SLC38A9: variants seen among roughly 807,000 people sequenced by gnomAD.
SLC38A9 encodes solute carrier family 38 member 9.
In SLC38A9, 48 loss-of-function variants were observed where a neutral mutation model predicts 62.3. The ratio of observed to expected loss-of-function variants is 0.77; its 90% CI spans 0.61 to 0.98. The LOEUF is 0.98. Ranked by LOEUF, SLC38A9 falls within the 50% of genes least tolerant of loss-of-function variation. The pLI is 0.00. For synonymous variants in SLC38A9, 204 were observed against 227.7 expected (o/e 0.90, Z 0.94); for missense variants, 541 against 679.8 (o/e 0.80, Z 2.27).
At chr5:55,665,877 C>T (rs991244568) in intron 7 of SLC38A9, among the ~76,000 whole-genome samples, 16 of 152,064 alleles carry the variant, frequency 1.1e-4, no homozygotes, top group Admixed American at 2.6e-4. Flanking sequence ...GTGGGAGGAT[C>T]CCTTGAGACC....
chr5:55,643,621 G>A (rs1745795266), intron 12 of SLC38A9, among the ~76,000 whole-genome samples: 1 of 152,086 alleles, frequency 6.6e-6, no homozygotes, highest in African/African-American at 2.4e-5. Flanking sequence ...CTTGAAGGAG[G>A]GTGATAAAAC....
At chr5:55,655,069 G>C (rs1237439810) in intron 9 of SLC38A9, among the ~76,000 whole-genome samples, 1 of 152,020 alleles carries the variant, frequency 6.6e-6, no homozygotes, top group Non-Finnish European at 1.5e-5. Flanking sequence ...CAAACTCCTG[G>C]GCTCAAGCAA....
intron 7 of SLC38A9, among the ~76,000 whole-genome samples, chr5:55,667,495 G>A (rs1434553386): frequency 6.6e-6 from 1 of 152,020 alleles, no homozygotes. Context: ...TGTTAATGTA[G>A]TGAATTATGT....
At chr5:55,677,141 T>C (rs1173850590) in intron 3 of SLC38A9, among the ~76,000 whole-genome samples, 1 of 152,216 alleles carries the variant, frequency 6.6e-6, no homozygotes, top group African/African-American at 2.4e-5. Context: ...ATGCAAGTAT[T>C]AATACTAATA....
chr5:55,641,873 C>T (rs984259149), intron 12 of SLC38A9, among the ~76,000 whole-genome samples: 7 of 152,212 alleles, frequency 4.6e-5, no homozygotes, highest in African/African-American at 1.7e-4. Flanking sequence ...TACTACTTTA[C>T]AAGTACTAAT....
intron 12 of SLC38A9, among the ~76,000 whole-genome samples, chr5:55,641,086 C>T (rs1384504854): frequency 4.6e-5 from 7 of 152,090 alleles, no homozygotes; most frequent in African/African-American, 9.7e-5. Context: ...GTGATCCACG[C>T]ACCTCGGCCT....
intron 9 of SLC38A9, among the ~76,000 whole-genome samples, chr5:55,655,602 G>T (rs11740070): frequency 6.6e-6 from 1 of 151,920 alleles, no homozygotes; most frequent in Non-Finnish European, 1.5e-5. Flanking sequence ...TAATTAGGGG[G>T]AAAAGTAAGA....
At chr5:55,645,114 G>A (rs1467740694) in intron 12 of SLC38A9, among the ~76,000 whole-genome samples, 2 of 152,144 alleles carry the variant, frequency 1.3e-5, no homozygotes. Flanking sequence ...GGGCTAGAGT[G>A]CAGTGGCATG....
chr5:55,664,682 T>C lies in SLC38A9; in HGVS notation c.697+11A>G. 1.4e-6 allele frequency: 2 copies of C among 1,444,370 alleles called. No homozygotes were observed. The highest frequency in any genetic ancestry group is 2.4e-5 in the East Asian group (1 of 41,864). The allele number at this position is 1,444,370 out of a possible 1,614,324, so 89.5% of individuals were successfully genotyped here. On this transcript the variant is annotated intron_variant, in intron 8 of 15. Transcript: ENST00000396865. The stretch of plus-strand genomic sequence containing the variant: ...AGTACTGTGTTAAAAGCATATGATA[T>C]AGATACTTACTAAAAATAAACTTTC...
chr5:55,664,009 C>A (rs1265829634), intron 8 of SLC38A9, among the ~76,000 whole-genome samples: 1 of 151,906 alleles, frequency 6.6e-6, no homozygotes, highest in Non-Finnish European at 1.5e-5. Flanking sequence ...GGTTTGGTAT[C>A]TTTTACAATA....
chr5:55,641,983 C>G (rs544600167), intron 12 of SLC38A9, among the ~76,000 whole-genome samples: 20 of 152,328 alleles, frequency 1.3e-4, no homozygotes, highest in Middle Eastern at 3.4e-3. Context: ...CATGTAAGAA[C>G]CATGCAACAT....
At chr5:55,669,691 T>A (rs1047464700) in intron 5 of SLC38A9, 67 bp downstream of exon 5, 1 of 1,584,212 alleles carries the variant, frequency 6.3e-7, no homozygotes, top group African/African-American at 1.4e-5. Context: ...GAGACAAAAA[T>A]TTAAAAAACC....
chr5:55,696,709 C>CG (rs1755837736), intron 3 of SLC38A9: 2 of 33,466 alleles, frequency 6.0e-5, no homozygotes, highest in South Asian at 1.5e-3. Flanking sequence ...GCTGACCCCC[C>CG]CACCTCCCTC....
chr5:55,663,019 C>T (rs1749869645), intron 8 of SLC38A9, among the ~76,000 whole-genome samples: 1 of 151,644 alleles, frequency 6.6e-6, no homozygotes, highest in Non-Finnish European at 1.5e-5. Flanking sequence ...CTCAGGCTCC[C>T]GAGTAGCTGG....
At chr5:55,626,689 T>G in intron 15 of SLC38A9, 30 bp from the exon 16 acceptor site, 1 of 1,565,704 alleles carries the variant, frequency 6.4e-7, no homozygotes, top group East Asian at 2.2e-5. Flanking sequence ...GGGGTTAATA[T>G]TCATCTTGCA....
chr5:55,711,668 C>A (rs180857813), intron 1 of SLC38A9, among the ~76,000 whole-genome samples, 169 bp from the exon 2 acceptor site: 2 of 152,156 alleles, frequency 1.3e-5, no homozygotes, highest in Admixed American at 6.5e-5. Flanking sequence ...CCTCTGTGGT[C>A]CTAGCTCAAG....
At chr5:55,659,560 G>A (rs1373525705) in intron 8 of SLC38A9, among the ~76,000 whole-genome samples, 2 of 151,416 alleles carry the variant, frequency 1.3e-5, no homozygotes, top group South Asian at 4.2e-4. Context: ...GCTAATTTTT[G>A]TACTTTTAGT....
Position 55,664,787 on chromosome 5 carries a change from A to G in SLC38A9, c.603T>C (p.Ser201=), listed in dbSNP as rs1318508414. The change falls in exon 8 of 16, where the codon AGT becomes AGC. Residue 201 remains serine (S), a synonymous_variant. Transcript: ENST00000396865. ...HYFGSFGQWS[S]LLFSLVSLIG... The stretch of plus-strand genomic sequence containing the variant: ...TGAGAGACACCAAGGAGAAAAGGAG[A>G]CTCGACCACTGCCCAAAGGAGCCGA... 1.9e-6 allele frequency: 3 copies of G among 1,596,136 alleles called. No individual in the cohort carries two copies. The highest frequency in any genetic ancestry group is 2.6e-6 in the Non-Finnish European group (3 of 1,172,520).
intron 14 of SLC38A9, among the ~76,000 whole-genome samples, chr5:55,631,198 T>C (rs1374938637): frequency 6.6e-6 from 1 of 152,190 alleles, no homozygotes; most frequent in East Asian, 1.9e-4. Context: ...TAGCTATACC[T>C]GCATAAACTA....
Sources: gnomAD v4.1 joint callset for allele counts (sites outside exome capture counted in the v4.1 genomes callset) on GRCh38, gnomAD v4.1.1 for gene constraint, MANE v1.5 for transcripts, NCBI Gene and HGNC (gene_info 2026-07-23, HGNC 2026-07-21) for gene names.